TET3: variants seen among roughly 807,000 people sequenced by gnomAD.
TET3 encodes methylcytosine dioxygenase TET3.
TET3 carries 19 observed loss-of-function variants against 141.4 expected under a neutral mutation model. That is an observed-to-expected ratio of 0.13 (90% CI 0.09 to 0.20). TET3 has a LOEUF of 0.20. TET3 is among the 10% of genes least tolerant of loss of function. The pLI, the probability that TET3 is intolerant of heterozygous loss-of-function variation, is 1.00. For missense variants in TET3, 1,874 were observed against 2,356.9 expected (o/e 0.80, Z 4.24); for synonymous variants, 1,043 against 980.9 (o/e 1.06, Z -1.18).
At chr2:74,092,758 C>A (rs1463291530) in intron 8 of TET3, 144 bp from the exon 9 acceptor site, 2 of 706,124 alleles carry the variant, frequency 2.8e-6, no homozygotes, top group African/African-American at 3.5e-5. Flanking sequence ...CCACAGCCCT[C>A]CTGAAGGAAA....
chr2:74,098,813 C>G (rs933049014), intron 10 of TET3, among the ~76,000 whole-genome samples: 1 of 152,106 alleles, frequency 6.6e-6, no homozygotes, highest in Non-Finnish European at 1.5e-5. Flanking sequence ...AGGCTAGTCT[C>G]GACCTCCTGA....
chr2:74,068,225 A>G (rs747507301), intron 4 of TET3, among the ~76,000 whole-genome samples: 21 of 152,014 alleles, frequency 1.4e-4, no homozygotes, highest in Non-Finnish European at 2.4e-4. Context: ...ACACAGCTGA[A>G]CTCAGTTTAA....
chr2:74,058,350 C>T (rs879858268), intron 4 of TET3, among the ~76,000 whole-genome samples: 8 of 152,012 alleles, frequency 5.3e-5, no homozygotes, highest in South Asian at 2.1e-4. Context: ...GTGTTCTCGG[C>T]GAACAGTGTG....
intron 5 of TET3, among the ~76,000 whole-genome samples, chr2:74,074,443 G>A (rs1689379296): frequency 6.6e-6 from 1 of 152,160 alleles, no homozygotes; most frequent in Non-Finnish European, 1.5e-5. Context: ...TTCAAATTCA[G>A]GACTCTAGGG....
At position 74,047,180 on chromosome 2, in the gene TET3, C is replaced by T. The variant is rs1687675614; in HGVS notation, c.1263C>T (p.Ser421=). Residue 421 remains serine (S), a synonymous_variant, in exon 4 of 12, where the codon AGC becomes AGT. Coordinates refer to ENST00000409262, the MANE Select transcript of TET3 (RefSeq NM_001287491.2). The stretch of plus-strand genomic sequence containing the variant: ...AGCACTCATCTTTTGCTCCTGATAG[C>T]TCTGCCTTCCCTCCAGCAACTCCTA... The part of the protein sequence containing the change: ...PEEHSSFAPD[S]SAFPPATPRT... 8.1e-6 allele frequency: 13 copies of T among 1,614,042 alleles called. 1 individual carries two copies. Among genetic ancestry groups the T allele is most frequent in the South Asian group, 1.1e-5 (1 of 91,088 alleles).
chr2:74,131,392 G>A, the TET3 span, among the ~76,000 whole-genome samples: 3 of 152,102 alleles, frequency 2.0e-5, no homozygotes, highest in Non-Finnish European at 4.4e-5. Context: ...CTGGCTCTCC[G>A]CGGGTCATTC....
rs757357247 is a variant in TET3, at chr2:74,089,969, C to T, written c.2961C>T (p.Ser987=). 1.2e-6 allele frequency: 2 copies of T among 1,614,078 alleles called. No homozygotes were observed. The highest frequency in any genetic ancestry group is 1.1e-5 in the South Asian group (1 of 91,088). ...GASFSFGCSW[S]MYFNGCKYAR... is the part of the protein sequence containing the mutation. ...CCTTCTCCTTTGGTTGTTCCTGGAG[C>T]ATGTACTTCAACGGCTGCAAGTATG... Residue 987 remains serine, a synonymous_variant, in exon 8 of 12, where the codon AGC becomes AGT. Transcript: ENST00000409262.
Position 74,105,218 on chromosome 2 carries a change from A to C in TET3, c.*3042A>C, listed in dbSNP as rs1000353262. 1 of 398,512 alleles carries C rather than the reference A, an allele frequency of 2.5e-6. No individual in the cohort carries two copies. The highest frequency in any genetic ancestry group is 4.4e-6 in the Non-Finnish European group (1 of 226,066). 24.7% of individuals were successfully genotyped at this position (398,512 alleles called of 1,614,324 possible). A position where few individuals can be genotyped will look rare whatever the true frequency, so the allele number is the denominator to read the frequency against. ...ATGACCAAGTTCGAAGAGTCATATT[A>C]TAGCAACGGAAATCGATGGCGTCTT... On this transcript the variant is annotated 3_prime_UTR_variant, in exon 12 of 12. Transcript: ENST00000409262.
At chr2:74,132,957 G>A in the TET3 span, among the ~76,000 whole-genome samples, 2 of 151,978 alleles carry the variant, frequency 1.3e-5, no homozygotes, top group Non-Finnish European at 2.9e-5. Context: ...GAGTGCAGTA[G>A]CGTGATCTTG....
rs1167360861 is a variant in TET3 at position 74,093,036 on chromosome 2, A to G, written c.3129+45A>G. The G allele has an allele frequency of 6.6e-7, 1 of 1,515,018 alleles. No homozygotes were observed. The highest frequency in any genetic ancestry group is 2.0e-5 in the Admixed American group (1 of 50,948). 93.8% of individuals were successfully genotyped at this position (1,515,018 alleles called of 1,614,324 possible). ...TTGCTGCCCACATGTCACCGTCCACATCTCTGCTCAGGCTCTGAAGGTGGG... is the reference window on the plus strand; with the variant it reads ...TTGCTGCCCACATGTCACCGTCCACGTCTCTGCTCAGGCTCTGAAGGTGGG... On this transcript the variant is annotated intron_variant, in intron 9 of 11. Coordinates refer to ENST00000409262, the MANE Select transcript of TET3 (RefSeq NM_001287491.2). The surrounding 1 kb of genome is among the most constrained non-coding windows in gnomAD (Gnocchi z 4.2).
chr2:74,065,787 C>T (rs1337957367), intron 4 of TET3, among the ~76,000 whole-genome samples: 9 of 148,424 alleles, frequency 6.1e-5, no homozygotes, highest in Admixed American at 5.4e-4. Flanking sequence ...TTAGACAGAG[C>T]GAGGCTCTGT....
At chr2:74,074,794 T>G (rs893197984) in intron 5 of TET3, among the ~76,000 whole-genome samples, 1 of 152,260 alleles carries the variant, frequency 6.6e-6, no homozygotes, top group Non-Finnish European at 1.5e-5. Flanking sequence ...AAAAGGTAGA[T>G]AGTCATTAAC....
chr2:74,123,216 A>C, the TET3 span: 1 of 152,360 alleles, frequency 6.6e-6, no homozygotes, highest in Non-Finnish European at 1.5e-5. Context: ...AAAATGCCAA[A>C]GGTGCTAACA....
chr2:74,125,619 G>GA, the TET3 span, among the ~76,000 whole-genome samples: 42,915 of 151,922 alleles, frequency 0.28, 6,417 homozygotes, highest in East Asian at 0.49. Flanking sequence ...TTGTGAATAA[G>GA]AAGTGTGGCA....
intron 4 of TET3, among the ~76,000 whole-genome samples, chr2:74,062,115 C>G (rs1253721182): frequency 2.0e-5 from 3 of 152,248 alleles, no homozygotes; most frequent in Admixed American, 2.0e-4. Context: ...CGCCACTGCA[C>G]TCCAGCCTGG....
At chr2:74,016,874 T>C (rs1039396477) in intron 3 of TET3, among the ~76,000 whole-genome samples, 2 of 151,840 alleles carry the variant, frequency 1.3e-5, no homozygotes, top group African/African-American at 4.8e-5. Context: ...TCAATGCATG[T>C]ATATAATGTA....
the TET3 span, chr2:74,122,486 CATACATATAT>C: frequency 2.2e-5 from 2 of 89,366 alleles, no homozygotes; most frequent in East Asian, 1.1e-3. Flanking sequence ...TATATAAATA[CATACATATAT>C]ATATATATAT....
intron 4 of TET3, among the ~76,000 whole-genome samples, chr2:74,069,268 C>T (rs1278611298): frequency 6.6e-6 from 1 of 150,816 alleles, no homozygotes; most frequent in Non-Finnish European, 1.5e-5. Flanking sequence ...TTTATCTTTC[C>T]CTATTGATAG....
chr2:74,116,388 C>T, the TET3 span, among the ~76,000 whole-genome samples: 1 of 152,070 alleles, frequency 6.6e-6, no homozygotes, highest in Non-Finnish European at 1.5e-5. Context: ...ATCATTATAT[C>T]AAAGAGATAT....
Sources: allele counts gnomAD v4.1 joint callset (sites outside exome capture counted in the v4.1 genomes callset), GRCh38; gene constraint gnomAD v4.1.1; non-coding constraint Gnocchi (gnomAD v3.1); transcripts MANE v1.5; gene names NCBI Gene and HGNC (gene_info 2026-07-23, HGNC 2026-07-21).